Variants in RANBP17 observed in about 807,000 individuals in gnomAD.
RANBP17 encodes the protein ran-binding protein 17.
Under a neutral mutation model 141.2 loss-of-function variants are expected in RANBP17, and 158 were observed. The ratio of observed to expected loss-of-function variants is 1.12; its 90% CI spans 0.98 to 1.28. The LOEUF is 1.28. Among genes scored for constraint, RANBP17 ranks in the 50% most tolerant of loss-of-function variants. The pLI is 0.00. For missense variants in RANBP17, 1,438 were observed against 1,290.7 expected (o/e 1.11, Z -1.75); for synonymous variants, 430 against 450.0 (o/e 0.96, Z 0.56).
chr5:170,920,159 C>A (rs1772315244), intron 11 of RANBP17, among the ~76,000 whole-genome samples: 1 of 152,018 alleles, frequency 6.6e-6, no homozygotes, highest in Non-Finnish European at 1.5e-5. Flanking sequence ...GTTTTTGTTT[C>A]TCCTGGGTAA....
intron 14 of RANBP17, among the ~76,000 whole-genome samples, chr5:171,099,323 C>T (rs1004973788): frequency 3.9e-5 from 6 of 152,102 alleles, no homozygotes; most frequent in Admixed American, 2.0e-4. Context: ...TTGAAGAGGT[C>T]CTTCACATCC....
chr5:170,988,357 T>G (rs1176299546), intron 14 of RANBP17, among the ~76,000 whole-genome samples: 1 of 129,662 alleles, frequency 7.7e-6, no homozygotes, highest in East Asian at 2.5e-4. Context: ...GTATTCCACC[T>G]ATCTTTTAGT....
intron 24 of RANBP17, 83 bp from the exon 25 acceptor site, chr5:171,265,598 T>C: frequency 8.0e-7 from 1 of 1,245,606 alleles, no homozygotes; most frequent in Non-Finnish European, 1.1e-6. Context: ...CAGAAAGTAA[T>C]TATTTTTAAT....
rs551732665 is a variant in RANBP17 at position 170,865,053 on chromosome 5, T to TTTG, written c.18+3019_18+3021dup. On this transcript the variant is annotated intron_variant, in intron 1 of 27. Coordinates refer to ENST00000523189, the MANE Select transcript of RANBP17 (RefSeq NM_022897.5). ...GAAGGTAGATATTGCTGTTTGCAGGTTTGTTGTTGTTGTTGTTGTCGTTTG... is the reference window on the plus strand; with the variant it reads ...GAAGGTAGATATTGCTGTTTGCAGGTTTGTTGTTGTTGTTGTTGTTGTCGTTTG... 9.3e-4 allele frequency among the ~76,000 whole-genome samples: 141 copies of TTTG among 152,018 alleles called. 2 individuals are homozygous for TTTG. The highest frequency in any genetic ancestry group is 3.2e-3 in the African/African-American group (131 of 41,494).
At chr5:170,970,298 T>C (rs1776893254) in intron 14 of RANBP17, among the ~76,000 whole-genome samples, 1 of 151,948 alleles carries the variant, frequency 6.6e-6, no homozygotes, top group African/African-American at 2.4e-5. Flanking sequence ...AGCAAATGAA[T>C]GTTTAACAAT....
intron 20 of RANBP17, among the ~76,000 whole-genome samples, chr5:171,211,918 A>G (rs1403294346): frequency 1.3e-5 from 2 of 152,144 alleles, no homozygotes; most frequent in Admixed American, 1.3e-4. Context: ...AATAAGCTAC[A>G]CTTCATTTTT....
intron 14 of RANBP17, among the ~76,000 whole-genome samples, chr5:171,089,598 A>G (rs1237928329): frequency 6.6e-6 from 1 of 152,024 alleles, no homozygotes; most frequent in Non-Finnish European, 1.5e-5. Flanking sequence ...CTGCTGTGCT[A>G]GCAATCAGTG....
At chr5:170,968,166 T>G in intron 13 of RANBP17, 76 bp from the exon 14 acceptor site, 1 of 1,046,938 alleles carries the variant, frequency 9.6e-7, no homozygotes, top group Non-Finnish European at 1.4e-6. Flanking sequence ...TTATATTACA[T>G]TTATGGTAAA....
intron 5 of RANBP17, among the ~76,000 whole-genome samples, chr5:170,904,723 A>G (rs1770935161): frequency 6.6e-6 from 1 of 152,154 alleles, no homozygotes; most frequent in Admixed American, 6.5e-5. Context: ...GTTCTTCAGT[A>G]TTATGTTGTA....
chr5:171,184,574 A>G (rs1012751231), intron 18 of RANBP17, among the ~76,000 whole-genome samples: 1 of 152,224 alleles, frequency 6.6e-6, no homozygotes, highest in Non-Finnish European at 1.5e-5. Flanking sequence ...TAATAACAAT[A>G]TATTGTATTC....
At chr5:171,295,847 C>A (rs1358736760) in intron 26 of RANBP17, 40 bp from the exon 27 acceptor site, 1 of 1,603,710 alleles carries the variant, frequency 6.2e-7, no homozygotes, top group East Asian at 2.2e-5. Context: ...TCAGGCGGGA[C>A]TTGGAGTCGG....
At chr5:171,128,540 G>T (rs1232579317) in intron 14 of RANBP17, among the ~76,000 whole-genome samples, 2 of 152,248 alleles carry the variant, frequency 1.3e-5, no homozygotes, top group Admixed American at 1.3e-4. Flanking sequence ...CCTCAGAGGG[G>T]TTAATGGGTA....
intron 14 of RANBP17, among the ~76,000 whole-genome samples, chr5:171,068,438 A>G (rs1247410634): frequency 1.3e-5 from 2 of 152,118 alleles, no homozygotes; most frequent in Non-Finnish European, 2.9e-5. Context: ...TCCTGTGCAT[A>G]GCTTATACTT....
At chr5:171,183,934 G>A (rs992347313) in intron 18 of RANBP17, among the ~76,000 whole-genome samples, 2 of 152,280 alleles carry the variant, frequency 1.3e-5, no homozygotes, top group Admixed American at 6.5e-5. Flanking sequence ...ATAACATTAA[G>A]TGAAAAGGCA....
chr5:171,150,452 C>T (rs1170597920), intron 14 of RANBP17, among the ~76,000 whole-genome samples: 2 of 151,274 alleles, frequency 1.3e-5, no homozygotes, highest in African/African-American at 4.9e-5. Context: ...AAAAGCATTA[C>T]ACAATTTGAT....
chr5:171,034,226 G>T (rs1439815525), intron 14 of RANBP17, among the ~76,000 whole-genome samples: 1 of 152,162 alleles, frequency 6.6e-6, no homozygotes, highest in Non-Finnish European at 1.5e-5. Flanking sequence ...CAAAGCAATA[G>T]TAACCTCTTG....
At chr5:171,169,680 T>C (rs1759960340) in intron 14 of RANBP17, among the ~76,000 whole-genome samples, 1 of 112,050 alleles carries the variant, frequency 8.9e-6, no homozygotes, top group Non-Finnish European at 2.1e-5. Context: ...TTTTAAATCC[T>C]TATTTTTATA....
chr5:171,283,658 G>T (rs1170471386), intron 25 of RANBP17, among the ~76,000 whole-genome samples: 2 of 152,176 alleles, frequency 1.3e-5, no homozygotes, highest in African/African-American at 4.8e-5. Context: ...AAACATTTTG[G>T]ATCCTTTCGT....
chr5:171,020,706 A>G (rs891623985), intron 14 of RANBP17, among the ~76,000 whole-genome samples: 2 of 151,846 alleles, frequency 1.3e-5, no homozygotes, highest in African/African-American at 4.8e-5. Flanking sequence ...ACAGCACACC[A>G]GTGGGTCTTG....
Sources: allele counts gnomAD v4.1 joint callset (sites outside exome capture counted in the v4.1 genomes callset), GRCh38; gene constraint gnomAD v4.1.1; transcripts MANE v1.5; gene names NCBI Gene and HGNC (gene_info 2026-07-23, HGNC 2026-07-21).